The following IMMP2L variants were observed in gnomAD, a reference collection of about 807,000 sequenced individuals.
IMMP2L encodes inner mitochondrial membrane peptidase subunit 2.
A neutral mutation model predicts 19.3 loss-of-function variants in IMMP2L; 18 were observed. The observed-to-expected ratio is 0.93, with a 90% CI of 0.64 to 1.38. IMMP2L has a LOEUF of 1.38. Among genes scored for constraint, IMMP2L ranks in the 40% most tolerant of loss-of-function variants. The probability of loss-of-function intolerance (pLI) is 0.00; values close to 1 mark genes in which losing one functional copy is unlikely to be tolerated. For synonymous variants in IMMP2L, 76 were observed against 73.0 expected, an observed-to-expected ratio of 1.04 and a Z score of -0.21; for missense variants, 233 against 218.2, an observed-to-expected ratio of 1.07 and a Z score of -0.43.
chr7:111,148,716 T>G (rs1003681018), intron 3 of IMMP2L, among the ~76,000 whole-genome samples: 1 of 151,902 alleles, frequency 6.6e-6, no homozygotes, highest in Non-Finnish European at 1.5e-5. Flanking sequence ...GGGAGTATAA[T>G]CTCACAATTG....
intron 1 of IMMP2L, among the ~76,000 whole-genome samples, chr7:111,523,183 G>A (rs566721868): frequency 4.6e-5 from 7 of 152,032 alleles, no homozygotes; most frequent in African/African-American, 1.7e-4. Flanking sequence ...TATTTAGGAG[G>A]AATACATTTC....
chr7:110,941,943 A>T (rs951571805), intron 4 of IMMP2L, among the ~76,000 whole-genome samples: 3 of 150,910 alleles, frequency 2.0e-5, no homozygotes, highest in African/African-American at 7.2e-5. Context: ...GCTATCCTTT[A>T]GTACATTTAA....
rs973335676 is a variant in IMMP2L at position 111,561,912 on chromosome 7, T to G, written c.-64A>C. On this transcript the variant is annotated 5_prime_UTR_variant, in exon 1 of 6. Transcript: ENST00000405709. ...TGGTTATTTTGTGCCCTCGCCCAAT[T>G]TGGCCAAAACCCTAAAAGTAAAAAA... is the stretch of plus-strand genomic sequence containing the variant. The G allele has an allele frequency of 5.2e-5, 8 of 152,692 alleles. No homozygotes were observed. The highest frequency in any genetic ancestry group is 1.9e-4 in the African/African-American group (8 of 41,444). 9.5% of individuals were successfully genotyped at this position (152,692 alleles called of 1,614,324 possible).
chr7:111,485,597 C>CAAAAAAAAAA lies in IMMP2L; in HGVS notation c.239+1631_239+1640dup, dbSNP rs71147477. Among the ~76,000 whole-genome samples, 38 of 50,588 alleles carry CAAAAAAAAAA rather than the reference C, an allele frequency of 7.5e-4. 6 individuals carry two copies. Among genetic ancestry groups the CAAAAAAAAAA allele is most frequent in the African/African-American group, 2.9e-3 (34 of 11,684 alleles). 33.2% of individuals were successfully genotyped at this position (50,588 alleles called of 152,430 possible). A position where few individuals can be genotyped will look rare whatever the true frequency, so the allele number is the denominator to read the frequency against. On this transcript the variant is annotated intron_variant, in intron 3 of 5. Coordinates refer to ENST00000405709, the MANE Select transcript of IMMP2L (RefSeq NM_032549.4). ...TGCGCAACAGAGCGAGACTCTGTTT[C>CAAAAAAAAAA]AAAAAAAAAAAAAAAAAAAAAAAAA...
chr7:111,277,384 C>T (rs1819193204), intron 3 of IMMP2L, among the ~76,000 whole-genome samples: 1 of 151,618 alleles, frequency 6.6e-6, no homozygotes, highest in African/African-American at 2.4e-5. Flanking sequence ...AAATTAAACC[C>T]ACAATGAGAT....
At chr7:111,132,932 T>C (rs2129594595) in intron 3 of IMMP2L, among the ~76,000 whole-genome samples, 1 of 152,144 alleles carries the variant, frequency 6.6e-6, no homozygotes, top group African/African-American at 2.4e-5. Flanking sequence ...AGCTCCTCAG[T>C]ATTCAACGAG....
rs192408568 is a variant in IMMP2L at position 111,530,731 on chromosome 7, G to A, written c.-2-9282C>T. ...AAAGGAATTAGAATGTAGGTGGTGG[G>A]TTTAAAAATGTTCATTATAAAATTC... is the stretch of plus-strand genomic sequence containing the variant. On this transcript the variant is annotated intron_variant, in intron 1 of 5. Transcript: ENST00000405709. 1.1e-4 allele frequency among the ~76,000 whole-genome samples: 16 copies of A among 152,104 alleles called. No homozygotes were observed. In the East Asian group the frequency reaches 2.9e-3, roughly 28 times the overall value.
At chr7:111,039,433 C>T (rs964216196) in intron 3 of IMMP2L, among the ~76,000 whole-genome samples, 1 of 152,168 alleles carries the variant, frequency 6.6e-6, no homozygotes, top group Admixed American at 6.5e-5. Flanking sequence ...AAATATTACA[C>T]TTATGACACT....
intron 3 of IMMP2L, among the ~76,000 whole-genome samples, chr7:111,057,544 A>G (rs1297346634): frequency 6.6e-6 from 1 of 152,220 alleles, no homozygotes; most frequent in Non-Finnish European, 1.5e-5. Context: ...AAGGTTTAAC[A>G]ATATTTACCA....
chr7:111,339,510 C>G (rs548680413), intron 3 of IMMP2L, among the ~76,000 whole-genome samples: 1 of 152,018 alleles, frequency 6.6e-6, no homozygotes, highest in South Asian at 2.1e-4. Context: ...CTTAGCCCTA[C>G]ACCGCATTTT....
chr7:110,839,814 A>C (rs1213742233), intron 5 of IMMP2L, among the ~76,000 whole-genome samples: 1 of 152,150 alleles, frequency 6.6e-6, no homozygotes, highest in Non-Finnish European at 1.5e-5. Context: ...TTAAGCAGAT[A>C]TATTTTAGTA....
At chr7:111,517,388 C>T (rs1315876387) in intron 2 of IMMP2L, among the ~76,000 whole-genome samples, 1 of 150,570 alleles carries the variant, frequency 6.6e-6, no homozygotes, top group African/African-American at 2.4e-5. Context: ...TTTTTGCCCT[C>T]TGGCCATGCA....
intron 3 of IMMP2L, among the ~76,000 whole-genome samples, chr7:111,333,839 G>A (rs773090776): frequency 9.2e-5 from 14 of 151,994 alleles, no homozygotes; most frequent in African/African-American, 2.9e-4. Context: ...TCCTTGCTCC[G>A]CAGCTTGCAG....
At chr7:111,164,097 GA>G (rs1188371723) in intron 3 of IMMP2L, among the ~76,000 whole-genome samples, 22 of 148,586 alleles carry the variant, frequency 1.5e-4, no homozygotes, top group Admixed American at 2.7e-4. Flanking sequence ...GAAAGTAGGA[GA>G]GGGGGAGGGA....
At chr7:111,066,737 C>T (rs907186560) in intron 3 of IMMP2L, among the ~76,000 whole-genome samples, 2 of 152,132 alleles carry the variant, frequency 1.3e-5, no homozygotes, top group African/African-American at 2.4e-5. Context: ...TCTAGGCCCC[C>T]GAAATGTCAG....
chr7:111,211,789 C>G (rs1042544175), intron 3 of IMMP2L, among the ~76,000 whole-genome samples: 1 of 151,788 alleles, frequency 6.6e-6, no homozygotes, highest in African/African-American at 2.4e-5. Context: ...GCAGGCAGAT[C>G]GAGACCATCC....
intron 4 of IMMP2L, among the ~76,000 whole-genome samples, chr7:110,895,639 T>C (rs1209655769): frequency 6.6e-6 from 1 of 152,264 alleles, no homozygotes. Context: ...TTAACAACAT[T>C]GAGTGTTCTG....
At chr7:111,006,950 A>G (rs2070294992) in intron 3 of IMMP2L, among the ~76,000 whole-genome samples, 1 of 151,940 alleles carries the variant, frequency 6.6e-6, no homozygotes, top group African/African-American at 2.4e-5. Flanking sequence ...CATTTCTATC[A>G]TATTTCTGAC....
At chr7:110,886,502 T>TG (rs1460095302) in intron 5 of IMMP2L, 91 bp downstream of exon 5, 2 of 740,860 alleles carry the variant, frequency 2.7e-6, no homozygotes, top group Non-Finnish European at 4.9e-6. Flanking sequence ...TGATCAGTCT[T>TG]GGCTGAGTTA....
Sources: gnomAD v4.1 joint callset for allele counts (sites outside exome capture counted in the v4.1 genomes callset) on GRCh38, gnomAD v4.1.1 for gene constraint, MANE v1.5 for transcripts, NCBI Gene and HGNC (gene_info 2026-07-23, HGNC 2026-07-21) for gene names.